The following DLG3 variants were observed in gnomAD, a reference collection of about 807,000 sequenced individuals.
The protein encoded by DLG3 is discs large MAGUK scaffold protein 3.
A neutral mutation model predicts 64.1 loss-of-function variants in DLG3; 1 was observed. The observed-to-expected ratio is 0.02, with a 90% CI of 0.01 to 0.07. DLG3 has a LOEUF of 0.07. Among genes scored for constraint, DLG3 ranks in the 10% least tolerant of loss-of-function variants. The probability of loss-of-function intolerance (pLI) is 1.00; values close to 1 mark genes in which losing one functional copy is unlikely to be tolerated. For missense variants in DLG3, 429 were observed against 669.5 expected (o/e 0.64, Z 3.96); for synonymous variants, 245 against 259.8 (o/e 0.94, Z 0.55).
chrX:70,458,121 C>T (rs1306081274), intron 9 of DLG3, among the ~76,000 whole-genome samples: 5 of 111,000 alleles, frequency 4.5e-5, no homozygotes, highest in African/African-American at 1.6e-4. Flanking sequence ...AGCATTCTTC[C>T]TGCCTTGGCC....
rs41305425 is a variant in DLG3 at position 70,500,183 on chromosome X, C to G, written c.2145+134C>G. The G allele has an allele frequency of 3.3e-3, 1,898 of 574,190 alleles. 2 individuals are homozygous for G. Among genetic ancestry groups the G allele is most frequent in the Non-Finnish European group, 4.6e-3 (1,652 of 360,503 alleles). The allele number at this position is 574,190 out of a possible 1,213,427, so 47.3% of individuals were successfully genotyped here. The stretch of plus-strand genomic sequence containing the variant: ...AAGCCATAGCACATCTGCATACTCC[C>G]AGCGCCTTGACGAAGCTATCTGTCT... On this transcript the variant is annotated intron_variant, in intron 16 of 18. Coordinates refer to ENST00000374360, the MANE Select transcript of DLG3 (RefSeq NM_021120.4).
At chrX:70,487,715 G>A (rs1011136948) in intron 10 of DLG3, among the ~76,000 whole-genome samples, 6 of 112,328 alleles carry the variant, frequency 5.3e-5, no homozygotes, top group African/African-American at 9.7e-5. Flanking sequence ...GCAATGGCGC[G>A]ATCTCGGTTT....
Position 70,449,825 on chromosome X carries a change from C to T in DLG3, c.669C>T (p.Thr223=). Residue 223 remains threonine, a synonymous_variant, in exon 4 of 19, where the codon ACC becomes ACT. Transcript: ENST00000374360. ...VVRRRQPPPE[T]IMEVNLLKGP... ...GGAGGCGACAGCCTCCACCCGAGAC[C>T]ATCATGGAGGTCAACCTGCTCAAAG... 1 of 1,194,869 alleles carries T rather than the reference C, an allele frequency of 8.4e-7. No homozygotes were observed. Among genetic ancestry groups the T allele is most frequent in the Non-Finnish European group, 1.1e-6 (1 of 887,410 alleles).
chrX:70,485,626 T>A (rs1408951450), intron 10 of DLG3, among the ~76,000 whole-genome samples: 3 of 112,114 alleles, frequency 2.7e-5, no homozygotes. Flanking sequence ...TTGCTTTGCA[T>A]CGAGAAACCT....
chrX:70,470,900 CT>C (rs776326508), intron 9 of DLG3, among the ~76,000 whole-genome samples: 7 of 111,757 alleles, frequency 6.3e-5, no homozygotes, highest in African/African-American at 2.3e-4. Flanking sequence ...CCTTTGATGC[CT>C]TATTGGGCTG....
intron 9 of DLG3, among the ~76,000 whole-genome samples, chrX:70,475,938 T>G (rs748313280): frequency 8.9e-6 from 1 of 112,049 alleles, no homozygotes; most frequent in African/African-American, 3.2e-5. Context: ...CACTGCAGGA[T>G]CCAATTCTGT....
In DLG3 at chrX:70,449,209, G is replaced by T. The variant is rs1043661132; in HGVS notation, c.409-150G>T. 7.0e-6 allele frequency: 6 copies of T among 861,734 alleles called. No homozygotes were observed. The African/African-American group carries it at 1.2e-4, about 17-fold the overall frequency. The allele number at this position is 861,734 out of a possible 1,213,427, so 71.0% of individuals were successfully genotyped here. On this transcript the variant is annotated intron_variant, in intron 2 of 18. Coordinates refer to ENST00000374360, the MANE Select transcript of DLG3 (RefSeq NM_021120.4). ...GGGTTTCCCAAAATGATCAGCAGAG[G>T]CTGGGTGTCTGACAAATGTGCCCAG...
At chrX:70,448,620 A>G (rs1193667470) in intron 1 of DLG3, 1 of 1,164,873 alleles carries the variant, frequency 8.6e-7, no homozygotes, top group South Asian at 1.9e-5. Context: ...GAGACACTGA[A>G]GCACAGCCTC....
chrX:70,450,251 G>T lies in DLG3; in HGVS notation c.786G>T (p.Glu262Asp), dbSNP rs141106519. ...DNSIYITKIIEGGAAQKDGRL... is the reference protein window; with the variant it reads ...DNSIYITKIIDGGAAQKDGRL... Reference sequence around the variant, plus strand: ...GCATCTACATCACCAAGATCATTGAGGGGGGTGCTGCTCAGAAGGATGGAC... The same window carrying T: ...GCATCTACATCACCAAGATCATTGATGGGGGTGCTGCTCAGAAGGATGGAC... The change falls in exon 5 of 19, where the codon GAG becomes GAT. Residue 262 changes from glutamate to aspartate, a missense_variant. Glu to Asp is a conservative substitution (Grantham distance 45). Transcript: ENST00000374360. 3 of 1,203,766 alleles carry T rather than the reference G, an allele frequency of 2.5e-6. No individual in the cohort carries two copies. The highest frequency in any genetic ancestry group is 2.2e-6 in the Non-Finnish European group (2 of 891,145).
Position 70,449,676 on chromosome X carries a change from G to C in DLG3, c.534-14G>C. On this transcript the variant is annotated splice_polypyrimidine_tract_variant and intron_variant, in intron 3 of 18. Coordinates refer to ENST00000374360, the MANE Select transcript of DLG3 (RefSeq NM_021120.4). ...TAGGGGCACAGTGTCATGCCTCTCG[G>C]GCTTCCCCCACAGGGTGAATGACTG... The C allele has an allele frequency of 8.3e-7, 1 of 1,209,763 alleles. No individual in the cohort carries two copies. The highest frequency in any genetic ancestry group is 1.1e-6 in the Non-Finnish European group (1 of 895,054).
chrX:70,472,377 A>T (rs1371662565), intron 9 of DLG3, among the ~76,000 whole-genome samples: 1 of 110,910 alleles, frequency 9.0e-6, no homozygotes, highest in East Asian at 2.8e-4. Context: ...ACATGGTGAA[A>T]CCCCGTCTCT....
At chrX:70,491,247 A>G (rs1301496067) in intron 10 of DLG3, among the ~76,000 whole-genome samples, 2 of 111,525 alleles carry the variant, frequency 1.8e-5, no homozygotes, top group Admixed American at 1.9e-4. Flanking sequence ...CTCCTCTCAG[A>G]TTTCCAGGGG....
chrX:70,477,639 C>G (rs930710493), intron 9 of DLG3, among the ~76,000 whole-genome samples: 3 of 111,616 alleles, frequency 2.7e-5, no homozygotes, highest in African/African-American at 9.8e-5. Flanking sequence ...ATGGGTGAGT[C>G]AGTGACTTAA....
chrX:70,453,845 G>A (rs754271330), intron 8 of DLG3, 52 bp downstream of exon 8: 1 of 1,075,369 alleles, frequency 9.3e-7, no homozygotes, highest in Non-Finnish European at 1.2e-6. Context: ...AGTCTAAAAT[G>A]GAGAGCGAGA....
Position 70,492,701 on chromosome X carries a change from C to A in DLG3, c.1773+105C>A, listed in dbSNP as rs1467671973. On this transcript the variant is annotated intron_variant, in intron 12 of 18. Transcript: ENST00000374360. Reference sequence around the variant, plus strand: ...AACTGGGGAACACAAAAGAAAATCTCTTTTTCAGGGGGCTGGCTCTGTCCT... The same window carrying A: ...AACTGGGGAACACAAAAGAAAATCTATTTTTCAGGGGGCTGGCTCTGTCCT... The A allele has an allele frequency of 6.7e-6, 5 of 743,421 alleles. No individual in the cohort carries two copies. In the Admixed American group the frequency reaches 1.0e-4, roughly 15 times the overall value. The allele number at this position is 743,421 out of a possible 1,213,427, so 61.3% of individuals were successfully genotyped here.
chrX:70,454,423 TACCTAGAGCAGTA>T, intron 9 of DLG3, 107 bp downstream of exon 9: 1 of 662,167 alleles, frequency 1.5e-6, no homozygotes, highest in African/African-American at 2.1e-5. Context: ...AGGTCCCTTC[TACCTAGAGCAGTA>T]ACCTCTTCCT....
intron 10 of DLG3, among the ~76,000 whole-genome samples, chrX:70,482,705 G>T (rs1208935951): frequency 1.2e-5 from 1 of 80,729 alleles, no homozygotes; most frequent in Admixed American, 1.8e-4. Context: ...TCGCTCTGTC[G>T]CCCAGGCTGG....
intron 12 of DLG3, among the ~76,000 whole-genome samples, chrX:70,493,061 A>G (rs2087387511): frequency 9.0e-6 from 1 of 111,587 alleles, no homozygotes; most frequent in Non-Finnish European, 1.9e-5. Flanking sequence ...CGTGGAGTAG[A>G]TGTGTATATC....
At chrX:70,451,105 T>C (rs1477212231) in intron 6 of DLG3, 19 of 299,403 alleles carry the variant, frequency 6.3e-5, no homozygotes, top group Non-Finnish European at 1.1e-4. Context: ...GTCTTTGTTT[T>C]TTTGTTTGTT....
Sources: allele counts gnomAD v4.1 joint callset (sites outside exome capture counted in the v4.1 genomes callset), GRCh38; gene constraint gnomAD v4.1.1; transcripts MANE v1.5; gene names NCBI Gene and HGNC (gene_info 2026-07-23, HGNC 2026-07-21).